Variants in TMEM132C observed in about 807,000 individuals in gnomAD.
TMEM132C encodes transmembrane protein 132C, also known as protein phosphatase 1, regulatory subunit 152.
A neutral mutation model predicts 61.4 loss-of-function variants in TMEM132C; 29 were observed. The observed-to-expected ratio is 0.47, with a 90% confidence interval of 0.35 to 0.64. TMEM132C has a LOEUF of 0.64. Ranked by LOEUF, TMEM132C falls within the 30% of genes least tolerant of loss-of-function variation. The pLI, the probability that TMEM132C is intolerant of heterozygous loss-of-function variation, is 0.00. For synonymous variants in TMEM132C, 656 were observed against 633.1 expected, an observed-to-expected ratio of 1.04 and a Z score of -0.54; for missense variants, 1,408 against 1,476.9, an observed-to-expected ratio of 0.95 and a Z score of 0.76.
chr12:128,489,219 G>A (rs1020023435), intron 2 of TMEM132C, among the ~76,000 whole-genome samples: 4 of 152,078 alleles, frequency 2.6e-5, no homozygotes, highest in Non-Finnish European at 5.9e-5. Flanking sequence ...CTAGACGAGG[G>A]TGGAAGGGCA....
chr12:128,459,749 G>A (rs1354625799), intron 2 of TMEM132C, among the ~76,000 whole-genome samples: 1 of 151,972 alleles, frequency 6.6e-6, no homozygotes, highest in East Asian at 1.9e-4. Flanking sequence ...GCCAGGTGTG[G>A]TGGTGAGTGC....
intron 5 of TMEM132C, among the ~76,000 whole-genome samples, chr12:128,682,522 A>T (rs1421684505): frequency 6.6e-6 from 1 of 152,204 alleles, no homozygotes; most frequent in African/African-American, 2.4e-5. Context: ...TTCTCCTAGG[A>T]AGGCGTTGGT....
chr12:128,533,130 C>G (rs941261706), intron 2 of TMEM132C, among the ~76,000 whole-genome samples: 2 of 152,174 alleles, frequency 1.3e-5, no homozygotes, highest in Non-Finnish European at 2.9e-5. Flanking sequence ...CAGCCCTCCT[C>G]TTCTCAGTGC....
intron 2 of TMEM132C, among the ~76,000 whole-genome samples, chr12:128,539,192 T>C (rs1873642883): frequency 6.6e-6 from 1 of 152,232 alleles, no homozygotes; most frequent in Non-Finnish European, 1.5e-5. Flanking sequence ...TGGGATTCTT[T>C]CCACGTCACT....
intron 3 of TMEM132C, among the ~76,000 whole-genome samples, chr12:128,591,086 A>C (rs1343042583): frequency 3.9e-5 from 6 of 152,138 alleles, no homozygotes; most frequent in Non-Finnish European, 7.4e-5. Flanking sequence ...GCCACGCTTT[A>C]TTGTTTCTAA....
intron 2 of TMEM132C, among the ~76,000 whole-genome samples, chr12:128,430,129 C>A (rs973994064): frequency 2.0e-5 from 3 of 152,184 alleles, no homozygotes; most frequent in Non-Finnish European, 4.4e-5. Flanking sequence ...CCACAACATT[C>A]CTAGTAAGCC....
chr12:128,645,979 G>A (rs1257509715), intron 4 of TMEM132C, among the ~76,000 whole-genome samples: 1 of 146,690 alleles, frequency 6.8e-6, no homozygotes, highest in Non-Finnish European at 1.5e-5. Flanking sequence ...TTGGATGTGA[G>A]TGTGTTTACT....
At chr12:128,335,217 G>A (rs1028855533) in intron 1 of TMEM132C, among the ~76,000 whole-genome samples, 30 of 152,186 alleles carry the variant, frequency 2.0e-4, no homozygotes, top group African/African-American at 7.2e-4. Context: ...TATGCTTTGT[G>A]ATAATATTGC....
At chr12:128,418,968 C>G (rs1182521022) in intron 2 of TMEM132C, among the ~76,000 whole-genome samples, 1 of 152,134 alleles carries the variant, frequency 6.6e-6, no homozygotes, top group Non-Finnish European at 1.5e-5. Flanking sequence ...TCGCAGGCCC[C>G]TAGATACGTT....
At chr12:128,689,335 A>G (rs1234536895) in intron 5 of TMEM132C, among the ~76,000 whole-genome samples, 2 of 152,212 alleles carry the variant, frequency 1.3e-5, no homozygotes, top group South Asian at 2.1e-4. Flanking sequence ...GAAATGTACA[A>G]TATGCTATTA....
chr12:128,537,200 C>T lies in TMEM132C; in HGVS notation c.975-6757C>T, dbSNP rs11610658. ...AGAGGACATGAAACCCCTCACTGTG[C>T]ATCCTCAGTAGATGGCCAGAACCAC... On this transcript the variant is annotated intron_variant, in intron 2 of 8. Coordinates refer to ENST00000435159, the MANE Select transcript of TMEM132C (RefSeq NM_001136103.3). Among the ~76,000 whole-genome samples the T allele has an allele frequency of 7.1e-3, 1,074 of 152,328 alleles. 7 individuals are homozygous for T. The highest frequency in any genetic ancestry group is 0.011 in the Non-Finnish European group (776 of 68,036).
intron 1 of TMEM132C, among the ~76,000 whole-genome samples, chr12:128,407,930 A>G (rs1875404174): frequency 6.9e-6 from 1 of 145,222 alleles, no homozygotes; most frequent in African/African-American, 2.5e-5. Flanking sequence ...ATCTAGATCA[A>G]CAGGTCTCAA....
chr12:128,390,685 G>C (rs1210736625), intron 1 of TMEM132C, among the ~76,000 whole-genome samples: 1 of 152,130 alleles, frequency 6.6e-6, no homozygotes, highest in Non-Finnish European at 1.5e-5. Flanking sequence ...CTGTCTACAG[G>C]GTTTTAGTTC....
chr12:128,444,691 A>T (rs1042464057), intron 2 of TMEM132C, among the ~76,000 whole-genome samples: 14 of 152,212 alleles, frequency 9.2e-5, no homozygotes, highest in Non-Finnish European at 1.5e-4. Context: ...TTGGCTAAAG[A>T]TAGTGGCAAT....
intron 1 of TMEM132C, among the ~76,000 whole-genome samples, chr12:128,308,989 G>T (rs767510786): frequency 6.6e-6 from 1 of 152,138 alleles, no homozygotes; most frequent in Non-Finnish European, 1.5e-5. Context: ...CTGCTGGGAT[G>T]AGGGGAGTTT....
At chr12:128,429,760 G>A (rs1869322192) in intron 2 of TMEM132C, among the ~76,000 whole-genome samples, 1 of 152,162 alleles carries the variant, frequency 6.6e-6, no homozygotes, top group Non-Finnish European at 1.5e-5. Context: ...GGCTTACCTT[G>A]GATAACACAC....
At chr12:128,519,130 C>T (rs1390721912) in intron 2 of TMEM132C, among the ~76,000 whole-genome samples, 1 of 152,166 alleles carries the variant, frequency 6.6e-6, no homozygotes, top group Non-Finnish European at 1.5e-5. Context: ...CATCACTTTG[C>T]ATTACTTAAT....
chr12:128,474,870 G>A (rs1225864985), intron 2 of TMEM132C, among the ~76,000 whole-genome samples: 1 of 152,098 alleles, frequency 6.6e-6, no homozygotes, highest in Non-Finnish European at 1.5e-5. Context: ...ACAGCAGCTT[G>A]GAGTAAAGCC....
chr12:128,458,395 C>T (rs1870419899), intron 2 of TMEM132C, among the ~76,000 whole-genome samples: 1 of 151,362 alleles, frequency 6.6e-6, no homozygotes, highest in Non-Finnish European at 1.5e-5. Flanking sequence ...GGACAAAATA[C>T]AATTTAGTTT....
Sources: allele counts gnomAD v4.1 joint callset (sites outside exome capture counted in the v4.1 genomes callset), GRCh38; gene constraint gnomAD v4.1.1; transcripts MANE v1.5; gene names NCBI Gene and HGNC (gene_info 2026-07-23, HGNC 2026-07-21).